Variants in C5orf34 observed in about 807,000 individuals in gnomAD.
C5orf34 encodes chromosome 5 open reading frame 34.
Under a neutral mutation model 78.4 loss-of-function variants are expected in C5orf34, and 73 were observed. The ratio of observed to expected loss-of-function variants is 0.93; its 90% CI spans 0.77 to 1.13. The LOEUF (loss-of-function observed/expected upper bound fraction) is 1.13, where lower values mean the gene tolerates loss of function less well. Among genes scored for constraint, C5orf34 ranks in the 50% most tolerant of loss-of-function variants. The pLI, the probability that C5orf34 is intolerant of heterozygous loss-of-function variation, is 0.00. For synonymous variants in C5orf34, 251 were observed against 246.6 expected, an observed-to-expected ratio of 1.02 and a Z score of -0.17; for missense variants, 730 against 732.7, an observed-to-expected ratio of 1.00 and a Z score of 0.04.
At position 43,492,245 on chromosome 5, in the gene C5orf34, A is replaced by G; in HGVS notation, c.1550T>C (p.Ile517Thr). Residue 517 changes from isoleucine to threonine, a missense_variant, in exon 10 of 13, where the codon ATT becomes ACT. Physicochemically the swap from Ile to Thr is moderately conservative, Grantham distance 89. Transcript: ENST00000306862. The stretch of plus-strand genomic sequence containing the variant: ...ATATGGTTCAGGGTGTTCAATCTGA[A>G]TTAACTGCTCTTGTCCATCAGGAAA... ...LTFPDGQEQL[I>T]QIEHPEPYER... The G allele has an allele frequency of 6.2e-7, 1 of 1,612,468 alleles. No individual in the cohort carries two copies.
intron 1 of C5orf34, among the ~76,000 whole-genome samples, chr5:43,513,024 C>T (rs60400597): frequency 0.49 from 73,864 of 151,704 alleles, 18,818 homozygotes; most frequent in Middle Eastern, 0.63. Flanking sequence ...CCTCGTGATC[C>T]ACCCGTTTTG....
chr5:43,506,429 T>C, intron 3 of C5orf34, 35 bp from the exon 4 acceptor site: 1 of 1,536,492 alleles, frequency 6.5e-7, no homozygotes, highest in Non-Finnish European at 8.7e-7. Flanking sequence ...GGTGAGTATT[T>C]TCTGTTAACA....
intron 11 of C5orf34, among the ~76,000 whole-genome samples, chr5:43,488,792 CA>C (rs1335838032): frequency 2.8e-4 from 43 of 152,010 alleles, no homozygotes; most frequent in African/African-American, 9.4e-4. Flanking sequence ...GAAATATGAG[CA>C]ATGGCATACA....
In C5orf34 at chr5:43,486,986, A is replaced by G. The variant is rs1272936095; in HGVS notation, c.1846T>C (p.Ser616Pro). ...LLGEVNENRV[S>P]IALKKTSEIL... The stretch of plus-strand genomic sequence containing the variant: ...TCAGAGGTTTTTTTCAATGCTATTG[A>G]TACTCTATTTTCATTAACTTCTCCT... Residue 616 changes from serine (S) to proline (P), a missense_variant, in exon 13 of 13, where the codon TCA (serine) becomes CCA (proline). Transcript: ENST00000306862. 3 of 1,589,824 alleles carry G rather than the reference A, an allele frequency of 1.9e-6. No homozygotes were observed. The highest frequency in any genetic ancestry group is 2.6e-6 in the Non-Finnish European group (3 of 1,168,186).
At position 43,493,601 on chromosome 5, in the gene C5orf34, T is replaced by C. The variant is rs1256667115; in HGVS notation, c.1256A>G (p.His419Arg). The C allele has an allele frequency of 2.5e-6, 4 of 1,571,114 alleles. No individual in the cohort carries two copies. Among genetic ancestry groups the C allele is most frequent in the Non-Finnish European group, 3.5e-6 (4 of 1,155,488 alleles). ...TAAAGAAAGTCTCATCTTCACACAATGTTGAAGAATTCTGTGAACACAAAA... is the reference window on the plus strand; with the variant it reads ...TAAAGAAAGTCTCATCTTCACACAACGTTGAAGAATTCTGTGAACACAAAA... ...LIKQATRILQHCVKMRLSLSH... is the reference protein window; with the variant it reads ...LIKQATRILQRCVKMRLSLSH... Residue 419 changes from histidine to arginine, a missense_variant, in exon 8 of 13, where the codon CAT (histidine) becomes CGT (arginine). Transcript: ENST00000306862.
At chr5:43,505,134 A>G (rs1745926129) in intron 4 of C5orf34, among the ~76,000 whole-genome samples, 1 of 152,244 alleles carries the variant, frequency 6.6e-6, no homozygotes, top group Non-Finnish European at 1.5e-5. Context: ...TTTTATCATT[A>G]TGATTTGCAC....
chr5:43,508,604 T>G lies in C5orf34; in HGVS notation c.258A>C (p.Glu86Asp). The G allele has an allele frequency of 6.2e-7, 1 of 1,609,856 alleles. No homozygotes were observed. The highest frequency in any genetic ancestry group is 1.1e-5 in the South Asian group (1 of 90,746). ...NSSATCPFLS[E>D]TIIPSERKKH... ...TTTTTCTTTCAGAAGGTATGATGGT[T>G]TCAGATAAAAAAGGGCAAGTAGCTG... Residue 86 changes from glutamate (E) to aspartate (D), a missense_variant, in exon 3 of 13, where the codon GAA (glutamate) becomes GAC (aspartate). Transcript: ENST00000306862.
At chr5:43,491,373 C>G (rs962269177) in intron 10 of C5orf34, among the ~76,000 whole-genome samples, 1 of 151,840 alleles carries the variant, frequency 6.6e-6, no homozygotes, top group African/African-American at 2.4e-5. Context: ...CAAGAGGTAA[C>G]AAAAAGCTAT....
chr5:43,495,548 G>T (rs1251976313), intron 6 of C5orf34: 3 of 1,611,968 alleles, frequency 1.9e-6, no homozygotes, highest in Non-Finnish European at 2.5e-6. Context: ...ATTGTCCCCA[G>T]GAAGAGCTTC....
At position 43,509,194 on chromosome 5, in the gene C5orf34, T is replaced by C. The variant is rs1247361027; in HGVS notation, c.146A>G (p.Gln49Arg). ...SPPVSAHPLEQPERIRQRTHF... is the reference protein window; with the variant it reads ...SPPVSAHPLERPERIRQRTHF... ...TGTCCTTTGACGAATTCTTTCTGGT[T>C]GTTCTAAAGGATGTGCTGAAACAGG... The change falls in exon 2 of 13, where the codon CAA becomes CGA. Residue 49 changes from glutamine (Q) to arginine (R), a missense_variant. Transcript: ENST00000306862. The C allele has an allele frequency of 6.2e-7, 1 of 1,613,938 alleles. No homozygotes were observed. The highest frequency in any genetic ancestry group is 8.5e-7 in the Non-Finnish European group (1 of 1,179,998).
chr5:43,511,563 A>G (rs965774297), intron 1 of C5orf34, among the ~76,000 whole-genome samples: 1 of 152,242 alleles, frequency 6.6e-6, no homozygotes, highest in Non-Finnish European at 1.5e-5. Context: ...GGCCATGATG[A>G]CGATGGCGGT....
rs750879820 is a variant in C5orf34 at position 43,490,705 on chromosome 5, C to A, written c.1605G>T (p.Trp535Cys). The change falls in exon 11 of 13, where the codon TGG becomes TGT. Residue 535 changes from tryptophan (W) to cysteine (C), a missense_variant. Transcript: ENST00000306862. ...GACTAGTCTGGGTCAGTCTCCTGCACCATGATGTTACTGTTGTCACATATC... is the reference window on the plus strand; with the variant it reads ...GACTAGTCTGGGTCAGTCTCCTGCAACATGATGTTACTGTTGTCACATATC... The part of the protein sequence containing the change: ...YERYVTTVTS[W>C]CRRLTQTSPR... 1 of 1,604,634 alleles carries A rather than the reference C, an allele frequency of 6.2e-7. No homozygotes were observed.
rs777760984 is a variant in C5orf34, at chr5:43,492,677, A to G, written c.1485+43T>C. ...TTGTTTTCTTTGTTCTGTTTTCCAC[A>G]GATTACCAATAAAAAATAGATCTAA... is the stretch of plus-strand genomic sequence containing the variant. On this transcript the variant is annotated intron_variant, in intron 9 of 12. Coordinates refer to ENST00000306862, the MANE Select transcript of C5orf34 (RefSeq NM_198566.4). 6 of 1,508,376 alleles carry G rather than the reference A, an allele frequency of 4.0e-6. No individual in the cohort carries two copies. In the Admixed American group the frequency reaches 1.2e-4, roughly 30 times the overall value. 93.4% of individuals were successfully genotyped at this position (1,508,376 alleles called of 1,614,324 possible).
At chr5:43,509,548 T>C (rs1410739297) in intron 1 of C5orf34, among the ~76,000 whole-genome samples, 173 bp from the exon 2 acceptor site, 1 of 151,994 alleles carries the variant, frequency 6.6e-6, no homozygotes, top group Non-Finnish European at 1.5e-5. Context: ...CAAAATGCCT[T>C]AATTAACCCC....
intron 1 of C5orf34, among the ~76,000 whole-genome samples, chr5:43,514,498 C>T (rs1746401335): frequency 6.6e-6 from 1 of 151,882 alleles, no homozygotes; most frequent in Admixed American, 6.6e-5. Flanking sequence ...TTTTTAATAG[C>T]TTTACTGAGG....
chr5:43,514,254 G>A (rs1364733850), intron 1 of C5orf34: 1 of 152,094 alleles, frequency 6.6e-6, no homozygotes, highest in Non-Finnish European at 1.5e-5. Context: ...TCCATCTCTA[G>A]TATTGATGAC....
In C5orf34 at chr5:43,508,560, G is replaced by T; in HGVS notation, c.285+17C>A. 2 of 1,412,438 alleles carry T rather than the reference G, an allele frequency of 1.4e-6. No homozygotes were observed. The highest frequency in any genetic ancestry group is 1.8e-4 in the Middle Eastern group (1 of 5,406). The allele number at this position is 1,412,438 out of a possible 1,614,324, so 87.5% of individuals were successfully genotyped here. On this transcript the variant is annotated intron_variant, in intron 3 of 12. Transcript: ENST00000306862. ...GTCCTCAAATAATACTAACAAAAAT[G>T]AAGTTAAAAAAATCACCTTTTTTCT...
intron 5 of C5orf34, 63 bp from the exon 6 acceptor site, chr5:43,502,558 T>A: frequency 1.1e-6 from 1 of 948,396 alleles, no homozygotes. Context: ...TGCATGAAGA[T>A]AGTCATCAAA....
chr5:43,487,991 C>G, intron 11 of C5orf34, 42 bp from the exon 12 acceptor site: 1 of 1,509,910 alleles, frequency 6.6e-7, no homozygotes, highest in Admixed American at 1.8e-5. Context: ...TTGTCTGATT[C>G]TTTTGTATTC....
Sources: allele counts gnomAD v4.1 joint callset (sites outside exome capture counted in the v4.1 genomes callset), GRCh38; gene constraint gnomAD v4.1.1; transcripts MANE v1.5; gene names NCBI Gene and HGNC (gene_info 2026-07-23, HGNC 2026-07-21).